DNAH5: variants seen among roughly 807,000 people sequenced by gnomAD.
The protein encoded by DNAH5 is dynein axonemal heavy chain 5.
In DNAH5, 372 loss-of-function variants were observed where a neutral mutation model predicts 518.2. The ratio of observed to expected loss-of-function variants is 0.72; its 90% CI spans 0.66 to 0.78. The LOEUF is 0.78. Ranked by LOEUF, DNAH5 falls within the 30% of genes least tolerant of loss-of-function variation. DNAH5 has a pLI of 0.00. For missense variants in DNAH5, 5,523 were observed against 5,687.0 expected, an observed-to-expected ratio of 0.97 and a Z score of 0.93; for synonymous variants, 2,039 against 2,025.9, an observed-to-expected ratio of 1.01 and a Z score of -0.17.
chr5:13,905,748 A>G (rs1364416412), intron 12 of DNAH5, among the ~76,000 whole-genome samples: 1 of 152,232 alleles, frequency 6.6e-6, no homozygotes, highest in Non-Finnish European at 1.5e-5. Flanking sequence ...CTCATACTAT[A>G]TGATCCAGCA....
At chr5:13,905,326 G>A (rs1428212581) in intron 12 of DNAH5, among the ~76,000 whole-genome samples, 4 of 152,164 alleles carry the variant, frequency 2.6e-5, no homozygotes, top group Admixed American at 6.5e-5. Flanking sequence ...TAATGTTATC[G>A]CAGGAGTGGG....
At chr5:13,875,224 T>G (rs1379419343) in intron 22 of DNAH5, among the ~76,000 whole-genome samples, 1 of 152,072 alleles carries the variant, frequency 6.6e-6, no homozygotes, top group Non-Finnish European at 1.5e-5. Flanking sequence ...TCCCAGCACT[T>G]TGGGAGGCCA....
Position 13,866,302 on chromosome 5 carries a change from A to C in DNAH5, c.4054-20T>G. ...ACCATTCTGAACAAAAAGTAAAAAA[A>C]GAAAAATAGAAGGAAGTGTTTGCAT... On this transcript the variant is annotated intron_variant, in intron 25 of 78. Coordinates refer to ENST00000265104, the MANE Select transcript of DNAH5 (RefSeq NM_001369.3). 1 of 1,605,970 alleles carries C rather than the reference A, an allele frequency of 6.2e-7. No homozygotes were observed. The highest frequency in any genetic ancestry group is 8.5e-7 in the Non-Finnish European group (1 of 1,174,324).
chr5:13,698,462 T>A (rs1384487676), intron 78 of DNAH5, among the ~76,000 whole-genome samples: 1 of 152,220 alleles, frequency 6.6e-6, no homozygotes, highest in Non-Finnish European at 1.5e-5. Context: ...AAGCCTCCGG[T>A]CACAACATTT....
At chr5:13,799,849 A>C (rs1758460244) in intron 47 of DNAH5, among the ~76,000 whole-genome samples, 1 of 152,224 alleles carries the variant, frequency 6.6e-6, no homozygotes, top group South Asian at 2.1e-4. Flanking sequence ...TTATATATAT[A>C]ACCAGGAAGT....
At chr5:13,784,338 A>T (rs912596357) in intron 52 of DNAH5, among the ~76,000 whole-genome samples, 7 of 152,204 alleles carry the variant, frequency 4.6e-5, no homozygotes, top group African/African-American at 1.2e-4. Flanking sequence ...AATCAACTAT[A>T]AATTAAGAGC....
At chr5:13,979,162 T>G (rs1167245820) in intron 1 of DNAH5, among the ~76,000 whole-genome samples, 1 of 152,076 alleles carries the variant, frequency 6.6e-6, no homozygotes, top group Non-Finnish European at 1.5e-5. Flanking sequence ...ACTGTTCCCT[T>G]TGCAGCAATG....
At chr5:13,916,315 C>T in intron 9 of DNAH5, 33 bp downstream of exon 9, 1 of 1,208,516 alleles carries the variant, frequency 8.3e-7, no homozygotes, top group Non-Finnish European at 1.2e-6. Flanking sequence ...CAAAGAAATA[C>T]AAATGAACAT....
intron 30 of DNAH5, among the ~76,000 whole-genome samples, chr5:13,855,642 G>A (rs868123268): frequency 5.9e-5 from 9 of 152,076 alleles, no homozygotes; most frequent in East Asian, 1.9e-4. Context: ...TGGACCAAGC[G>A]GACCTAACAG....
intron 15 of DNAH5, among the ~76,000 whole-genome samples, chr5:13,895,559 G>A (rs1012306068): frequency 6.6e-5 from 10 of 152,098 alleles, no homozygotes; most frequent in African/African-American, 2.2e-4. Flanking sequence ...CATGTGGGTC[G>A]CCAGAGGTCT....
chr5:13,868,176 C>G (rs1314583778), intron 24 of DNAH5, among the ~76,000 whole-genome samples, 184 bp from the exon 25 acceptor site: 1 of 152,098 alleles, frequency 6.6e-6, no homozygotes, highest in Non-Finnish European at 1.5e-5. Context: ...GCTATAGTTT[C>G]CTCATCTATA....
At position 13,735,312 on chromosome 5, in the gene DNAH5, C is replaced by T; in HGVS notation, c.11580G>A (p.Lys3860=). The T allele has an allele frequency of 6.2e-7, 1 of 1,613,926 alleles. No individual in the cohort carries two copies. The highest frequency in any genetic ancestry group is 8.5e-7 in the Non-Finnish European group (1 of 1,179,930). Residue 3860 remains lysine (K), a synonymous_variant, in exon 68 of 79, where the codon AAG becomes AAA. Coordinates refer to ENST00000265104, the MANE Select transcript of DNAH5 (RefSeq NM_001369.3). ...CAATCCTCTTGCTTGTAATCGGGCT[C>T]TTGACAGACCTGGTGAATAGAATAT... The part of the protein sequence containing the change: ...LFDLSLARSV[K]SPITSKRIAN...
chr5:13,998,030 G>C (rs1784081911), intron 1 of DNAH5, among the ~76,000 whole-genome samples: 1 of 152,094 alleles, frequency 6.6e-6, no homozygotes, highest in Non-Finnish European at 1.5e-5. Flanking sequence ...CTTTAGTAGA[G>C]ATGGGGTTTC....
chr5:13,807,105 C>T (rs1297435056), intron 47 of DNAH5, among the ~76,000 whole-genome samples: 1 of 152,084 alleles, frequency 6.6e-6, no homozygotes, highest in Non-Finnish European at 1.5e-5. Flanking sequence ...AGAGGTAAAC[C>T]AGGAGCATGA....
intron 12 of DNAH5, among the ~76,000 whole-genome samples, chr5:13,906,576 C>T (rs942593193): frequency 1.4e-4 from 21 of 152,126 alleles, no homozygotes. Context: ...ATCTTAACTA[C>T]GAACTAGGCC....
intron 50 of DNAH5, among the ~76,000 whole-genome samples, chr5:13,791,328 T>C (rs1485618072): frequency 6.6e-6 from 1 of 152,196 alleles, no homozygotes; most frequent in South Asian, 2.1e-4. Context: ...CCTGGGCACA[T>C]AGGCTACGCT....
intron 44 of DNAH5, 147 bp downstream of exon 44, chr5:13,811,500 T>G: frequency 1.4e-6 from 1 of 716,336 alleles, no homozygotes; most frequent in Non-Finnish European, 2.3e-6. Context: ...ATATTCCCCC[T>G]CCCCAACAGC....
chr5:13,887,354 A>T (rs1053496587), intron 17 of DNAH5, among the ~76,000 whole-genome samples: 1 of 152,262 alleles, frequency 6.6e-6, no homozygotes, highest in Non-Finnish European at 1.5e-5. Flanking sequence ...AACCATAAAA[A>T]TGTAAATAGC....
At chr5:13,695,372 C>G (rs933028614) in intron 78 of DNAH5, among the ~76,000 whole-genome samples, 2 of 152,210 alleles carry the variant, frequency 1.3e-5, no homozygotes, top group Admixed American at 1.3e-4. Context: ...TGCCCTCCCA[C>G]TGCCTACAGT....
Sources: allele counts gnomAD v4.1 joint callset (sites outside exome capture counted in the v4.1 genomes callset), GRCh38; gene constraint gnomAD v4.1.1; transcripts MANE v1.5; gene names NCBI Gene and HGNC (gene_info 2026-07-23, HGNC 2026-07-21).